The following PCDHAC1 variants were observed in gnomAD, a reference collection of about 807,000 sequenced individuals.
PCDHAC1 encodes protocadherin alpha-C1.
A neutral mutation model predicts 60.0 loss-of-function variants in PCDHAC1; 42 were observed. That is an observed-to-expected ratio of 0.70 (90% confidence interval 0.55 to 0.90). PCDHAC1 has a LOEUF of 0.90. Among genes scored for constraint, PCDHAC1 ranks in the 40% least tolerant of loss-of-function variants. The probability of loss-of-function intolerance (pLI) is 0.00; values close to 1 mark genes in which losing one functional copy is unlikely to be tolerated. For missense variants in PCDHAC1, 1,160 were observed against 1,222.3 expected (o/e 0.95, Z 0.76); for synonymous variants, 468 against 499.3 (o/e 0.94, Z 0.84).
chr5:140,975,890 T>C (rs542825387), intron 1 of PCDHAC1, among the ~76,000 whole-genome samples: 1 of 152,310 alleles, frequency 6.6e-6, no homozygotes, highest in South Asian at 2.1e-4. Flanking sequence ...TTTCCACATA[T>C]GGAGTTTTGT....
chr5:140,973,384 CAAAG>C (rs1250756648), intron 1 of PCDHAC1, among the ~76,000 whole-genome samples: 4 of 152,194 alleles, frequency 2.6e-5, no homozygotes, highest in Non-Finnish European at 5.9e-5. Context: ...TCAGAATAGA[CAAAG>C]AAATCATATC....
intron 1 of PCDHAC1, among the ~76,000 whole-genome samples, chr5:140,962,617 G>A (rs189225320): frequency 3.8e-4 from 58 of 152,276 alleles, no homozygotes; most frequent in Non-Finnish European, 1.9e-4. Context: ...GAGGAAGGGA[G>A]ATGTGAAAAA....
At chr5:140,976,338 G>A (rs1554237535) in intron 1 of PCDHAC1, among the ~76,000 whole-genome samples, 1 of 152,018 alleles carries the variant, frequency 6.6e-6, no homozygotes, top group Non-Finnish European at 1.5e-5. Flanking sequence ...ATTGCCTGAG[G>A]TCAGGTGTTC....
Position 140,927,758 on chromosome 5 carries a change from A to C in PCDHAC1, c.866A>C (p.Lys289Thr), listed in dbSNP as rs781942462. 3 of 1,614,170 alleles carry C rather than the reference A, an allele frequency of 1.9e-6. No individual in the cohort carries two copies. In the South Asian group the frequency reaches 3.3e-5, roughly 18 times the overall value. Reference sequence around the variant, plus strand: ...CGACACCGCTTTCACGTGCACCCTAAAAGTGGGGAGGTGCAAGTAGCTGCT... The same window carrying C: ...CGACACCGCTTTCACGTGCACCCTACAAGTGGGGAGGTGCAAGTAGCTGCT... Reference protein sequence around the residue: ...ELRHRFHVHPKSGEVQVAASL... With the variant: ...ELRHRFHVHPTSGEVQVAASL... The change falls in exon 1 of 4, where the codon AAA (lysine) becomes ACA (threonine). Residue 289 changes from lysine to threonine, a missense_variant. Transcript: ENST00000253807.
chr5:140,926,974 G>C lies in PCDHAC1; in HGVS notation c.82G>C (p.Glu28Gln), dbSNP rs145276602. 2 of 1,610,140 alleles carry C rather than the reference G, an allele frequency of 1.2e-6. No homozygotes were observed. The highest frequency in any genetic ancestry group is 2.2e-5 in the East Asian group (1 of 44,802). Reference protein sequence around the residue: ...AAGQLEYSVPEETERGVAVGN... With the variant: ...AAGQLEYSVPQETERGVAVGN... ...GGGACAGCTCGAGTACTCAGTGCCG[G>C]AGGAGACGGAGCGGGGCGTAGCCGT... The change falls in exon 1 of 4, where the codon GAG becomes CAG. Residue 28 changes from glutamate (E) to glutamine (Q), a missense_variant. By Grantham distance (29) the Glu-to-Gln change is conservative (BLOSUM62 2). Coordinates refer to ENST00000253807, the MANE Select transcript of PCDHAC1 (RefSeq NM_018898.5).
Position 140,927,975 on chromosome 5 carries a change from C to T in PCDHAC1, c.1083C>T (p.Leu361=). The T allele has an allele frequency of 1.2e-6, 2 of 1,614,244 alleles. No homozygotes were observed. Among genetic ancestry groups the T allele is most frequent in the Non-Finnish European group, 1.7e-6 (2 of 1,180,052 alleles). The part of the protein sequence containing the change: ...EDAAPGTVIA[L]FSVKDEDLDS... ...CTGCCCCTGGCACAGTGATTGCTCT[C>T]TTTAGTGTAAAGGATGAAGACCTCG... is the stretch of plus-strand genomic sequence containing the variant. The change falls in exon 1 of 4, where the codon CTC becomes CTT. Residue 361 remains leucine, a synonymous_variant. Transcript: ENST00000253807.
rs782052342 is a variant in PCDHAC1, at chr5:140,927,029, C to T, written c.137C>T (p.Pro46Leu). Residue 46 changes from proline (P) to leucine (L), a missense_variant, in exon 1 of 4, where the codon CCA becomes CTA. Around this residue, in one of 3 missense-constraint regions of PCDHAC1, gnomAD observed 1,113 missense variants for 1,163.7 expected, o/e 0.96. Transcript: ENST00000253807. ...VGNLSADLRLPAAAMSSRNFR... is the reference protein window; with the variant it reads ...VGNLSADLRLLAAAMSSRNFR... ...AATCTCTCCGCGGACTTGAGGCTGC[C>T]AGCGGCCGCTATGTCCTCGCGGAAC... 1.9e-6 allele frequency: 3 copies of T among 1,612,358 alleles called. No homozygotes were observed. In the South Asian group the frequency reaches 3.3e-5, roughly 18 times the overall value.
At chr5:140,946,032 A>C (rs1440402875) in intron 1 of PCDHAC1, among the ~76,000 whole-genome samples, 2 of 152,102 alleles carry the variant, frequency 1.3e-5, no homozygotes, top group Admixed American at 1.3e-4. Flanking sequence ...AGAAAACAAG[A>C]GTGAAGGGAC....
intron 1 of PCDHAC1, among the ~76,000 whole-genome samples, chr5:140,941,213 TCC>T (rs1491191685): frequency 2.4e-4 from 26 of 106,900 alleles, no homozygotes; most frequent in African/African-American, 9.0e-4. Context: ...CTTTCTTTCT[TCC>T]TTTCTTTCTT....
intron 1 of PCDHAC1, among the ~76,000 whole-genome samples, chr5:140,945,509 GTAAA>G (rs1266877059): frequency 6.6e-6 from 1 of 151,782 alleles, no homozygotes; most frequent in Non-Finnish European, 1.5e-5. Context: ...ATTGAGCAAA[GTAAA>G]TAAATAAATA....
At chr5:140,979,836 T>C (rs1463731318) in intron 2 of PCDHAC1, among the ~76,000 whole-genome samples, 2 of 152,216 alleles carry the variant, frequency 1.3e-5, no homozygotes, top group Non-Finnish European at 2.9e-5. Flanking sequence ...GAAGAAATAA[T>C]CTTCAAACTT....
At chr5:140,934,151 A>G (rs1478465122) in intron 1 of PCDHAC1, among the ~76,000 whole-genome samples, 3 of 152,088 alleles carry the variant, frequency 2.0e-5, no homozygotes, top group African/African-American at 7.2e-5. Context: ...TTATATGTTT[A>G]TATTTCAGTG....
At chr5:140,976,794 A>T (rs1199342082) in intron 1 of PCDHAC1, among the ~76,000 whole-genome samples, 1 of 152,230 alleles carries the variant, frequency 6.6e-6, no homozygotes, top group East Asian at 1.9e-4. Context: ...CTACGCTTTT[A>T]TGAATATCTG....
chr5:140,969,292 C>G, intron 1 of PCDHAC1: 2 of 1,614,208 alleles, frequency 1.2e-6, no homozygotes, highest in Non-Finnish European at 1.7e-6. Context: ...ATGCTGGGAA[C>G]CTGATTATTC....
At chr5:140,934,365 A>T (rs2089794268) in intron 1 of PCDHAC1, among the ~76,000 whole-genome samples, 1 of 151,884 alleles carries the variant, frequency 6.6e-6, no homozygotes, top group Non-Finnish European at 1.5e-5. Context: ...CACTGCTTTG[A>T]CTCCTTCTGT....
rs782193396 is a variant in PCDHAC1, at chr5:140,927,920, T to G, written c.1028T>G (p.Leu343Arg). The G allele has an allele frequency of 6.2e-7, 1 of 1,614,120 alleles. No homozygotes were observed. The highest frequency in any genetic ancestry group is 8.5e-7 in the Non-Finnish European group (1 of 1,180,048). Residue 343 changes from leucine (L) to arginine (R), a missense_variant, in exon 1 of 4, where the codon CTG becomes CGG. Leu to Arg is a moderately radical substitution (Grantham distance 102). Transcript: ENST00000253807. The part of the protein sequence containing the change: ...VNDHAPELDF[L>R]TLSNPVPEDA... ...GATCATGCCCCCGAACTGGACTTCC[T>G]GACTCTTTCGAACCCAGTACCTGAG... is the stretch of plus-strand genomic sequence containing the variant.
At chr5:140,994,059 A>G (rs2097593470) in intron 3 of PCDHAC1, among the ~76,000 whole-genome samples, 5 of 152,174 alleles carry the variant, frequency 3.3e-5, no homozygotes, top group Admixed American at 3.3e-4. Context: ...GCCCTTATAA[A>G]TCTAATGGTG....
chr5:140,987,858 T>C (rs1203158352), intron 3 of PCDHAC1, among the ~76,000 whole-genome samples: 1 of 152,142 alleles, frequency 6.6e-6, no homozygotes, highest in African/African-American at 2.4e-5. Context: ...CCACATCTCT[T>C]TACTCTGTGG....
chr5:140,935,341 G>A (rs1318000398), intron 1 of PCDHAC1, among the ~76,000 whole-genome samples: 5 of 152,046 alleles, frequency 3.3e-5, no homozygotes, highest in Non-Finnish European at 5.9e-5. Context: ...TCTCCCATAC[G>A]TCAAATCCCA....
Sources: allele counts gnomAD v4.1 joint callset (sites outside exome capture counted in the v4.1 genomes callset), GRCh38; gene constraint gnomAD v4.1.1; regional missense constraint gnomAD v4.1.1; transcripts MANE v1.5; gene names NCBI Gene and HGNC (gene_info 2026-07-23, HGNC 2026-07-21).